Variants in DMD observed in about 807,000 individuals in gnomAD.
DMD encodes dystrophin.
A neutral mutation model predicts 330.1 loss-of-function variants in DMD; 63 were observed. That is an observed-to-expected ratio of 0.19 (90% CI 0.16 to 0.24). The LOEUF is 0.24. DMD is among the 10% of genes least tolerant of loss of function. DMD has a pLI of 1.00. For synonymous variants in DMD, 1,223 were observed against 959.8 expected (o/e 1.27, Z -5.07); for missense variants, 3,344 against 2,684.1 (o/e 1.25, Z -5.43).
chrX:33,025,449 G>T (rs772646752), intron 1 of DMD, among the ~76,000 whole-genome samples: 1 of 108,599 alleles, frequency 9.2e-6, no homozygotes, highest in African/African-American at 3.4e-5. Context: ...AACAATGTAA[G>T]TGAAAGCATT....
rs182515852 is a variant in DMD, at chrX:32,559,248, C to A, written c.1992+6454G>T. On this transcript the variant is annotated intron_variant, in intron 16 of 78. Coordinates refer to ENST00000357033, the MANE Select transcript of DMD (RefSeq NM_004006.3). ...GATTACAAGTGTGAGCCACCACACT[C>A]GGTCAACTTCAAATTTTTCTAATAA... Among the ~76,000 whole-genome samples, 4 of 110,805 alleles carry A rather than the reference C, an allele frequency of 3.6e-5. No homozygotes were observed. In the East Asian group the frequency reaches 8.5e-4, roughly 23 times the overall value.
rs1352045533 is a variant in DMD at position 32,525,005 on chromosome X, A to G, written c.2169-6874T>C. On this transcript the variant is annotated intron_variant, in intron 17 of 78. Transcript: ENST00000357033. ...ACTTCTTTTCTAAAATGGAACAAAG[A>G]AACATATTAATGAGTTTGGACTCTT... is the stretch of plus-strand genomic sequence containing the variant. 2.7e-5 allele frequency among the ~76,000 whole-genome samples: 3 copies of G among 111,988 alleles called. No homozygotes were observed. The East Asian group carries it at 8.4e-4, about 31-fold the overall frequency.
intron 1 of DMD, among the ~76,000 whole-genome samples, chrX:33,311,520 G>A (rs1017377914): frequency 9.0e-6 from 1 of 110,626 alleles, no homozygotes; most frequent in South Asian, 3.7e-4. Context: ...CAAAATGATC[G>A]TATGTCTGTT....
chrX:31,520,825 G>A (rs1409864315), intron 55 of DMD, among the ~76,000 whole-genome samples: 5 of 109,428 alleles, frequency 4.6e-5, no homozygotes, highest in South Asian at 4.0e-4. Flanking sequence ...GACTACAGGC[G>A]CCCGCCACCA....
chrX:31,552,169 G>A (rs189236307), intron 55 of DMD, among the ~76,000 whole-genome samples: 9 of 111,672 alleles, frequency 8.1e-5, no homozygotes, highest in African/African-American at 2.9e-4. Flanking sequence ...TCTTTTCAGA[G>A]CTGCTGCTTT....
chrX:31,155,075 C>A (rs1304915339), intron 74 of DMD, among the ~76,000 whole-genome samples: 1 of 112,430 alleles, frequency 8.9e-6, no homozygotes, highest in Non-Finnish European at 1.9e-5. Context: ...AACTAATGGA[C>A]ATAAGAGATT....
At chrX:31,983,637 G>A (rs961905990) in intron 44 of DMD, among the ~76,000 whole-genome samples, 54 of 111,512 alleles carry the variant, frequency 4.8e-4, no homozygotes, top group African/African-American at 1.7e-3. Flanking sequence ...ATCTTTTCTG[G>A]CATGATCTTC....
At chrX:31,538,666 T>G (rs1291617646) in intron 55 of DMD, among the ~76,000 whole-genome samples, 1 of 112,442 alleles carries the variant, frequency 8.9e-6, no homozygotes, top group Admixed American at 9.4e-5. Context: ...CATTGTTTCA[T>G]AAAATTCTAT....
At chrX:32,061,998 G>A (rs2147683026) in intron 44 of DMD, among the ~76,000 whole-genome samples, 1 of 111,030 alleles carries the variant, frequency 9.0e-6, no homozygotes, top group South Asian at 3.8e-4. Context: ...TCATTTCACG[G>A]AATAATATAG....
chrX:32,142,586 C>A (rs1007876080), intron 44 of DMD, among the ~76,000 whole-genome samples: 10 of 112,183 alleles, frequency 8.9e-5, no homozygotes, highest in African/African-American at 2.9e-4. Context: ...AATATGGAAC[C>A]ATTCCTATCC....
intron 1 of DMD, among the ~76,000 whole-genome samples, chrX:33,064,835 G>T (rs971980446): frequency 9.0e-6 from 1 of 111,206 alleles, no homozygotes; most frequent in African/African-American, 3.3e-5. Context: ...GTTGCAGTGA[G>T]CCAAGATCGC....
At chrX:31,446,281 C>A (rs1025304296) in intron 59 of DMD, among the ~76,000 whole-genome samples, 1 of 111,910 alleles carries the variant, frequency 8.9e-6, no homozygotes, top group Non-Finnish European at 1.9e-5. Flanking sequence ...AAAAACATTA[C>A]GTTAAGCAAT....
At chrX:32,312,941 C>CAAAAAAAAAAAA (rs1171543953) in intron 41 of DMD, among the ~76,000 whole-genome samples, 8 of 19,173 alleles carry the variant, frequency 4.2e-4, no homozygotes, top group Non-Finnish European at 8.6e-4. Context: ...AGCCTACGAA[C>CAAAAAAAAAAAA]CAAAAAAAAA....
chrX:32,292,499 G>A (rs189072471), intron 42 of DMD, among the ~76,000 whole-genome samples: 73 of 108,047 alleles, frequency 6.8e-4, no homozygotes, highest in Middle Eastern at 4.8e-3. Flanking sequence ...AGTAGAGACG[G>A]GGTTTCACCG....
intron 44 of DMD, among the ~76,000 whole-genome samples, chrX:31,985,125 G>A (rs925793556): frequency 8.9e-6 from 1 of 112,010 alleles, no homozygotes; most frequent in Non-Finnish European, 1.9e-5. Context: ...TTCAAAAAGA[G>A]AATTCATAAA....
rs1017799222 is a variant in DMD, at chrX:31,121,490, A to ACTT, written c.*426_*428dup. The ACTT allele has an allele frequency of 5.8e-6, 1 of 173,135 alleles. No individual in the cohort carries two copies. The highest frequency in any genetic ancestry group is 3.1e-5 in the African/African-American group (1 of 32,059). The allele number at this position is 173,135 out of a possible 1,213,427, so 14.3% of individuals were successfully genotyped here. ...TTGTTTTTAGGGGTTTTTATAAACA[A>ACTT]CTTTTTTTTATAAAGCACACTTTAG... is the stretch of plus-strand genomic sequence containing the variant. On this transcript the variant is annotated 3_prime_UTR_variant, in exon 79 of 79. Transcript: ENST00000357033.
chrX:32,492,996 T>G (rs2043151365), intron 19 of DMD, among the ~76,000 whole-genome samples: 1 of 111,777 alleles, frequency 8.9e-6, no homozygotes, highest in Admixed American at 9.6e-5. Flanking sequence ...ATGTTCATTT[T>G]ACTTAATTTT....
At chrX:32,864,892 T>C (rs1218848638) in intron 2 of DMD, among the ~76,000 whole-genome samples, 1 of 112,115 alleles carries the variant, frequency 8.9e-6, no homozygotes, top group Non-Finnish European at 1.9e-5. Context: ...AATGAGGTAG[T>C]AGTAAACAGA....
At chrX:33,231,293 C>T (rs762616305) in intron 1 of DMD, among the ~76,000 whole-genome samples, 1 of 111,420 alleles carries the variant, frequency 9.0e-6, no homozygotes, top group South Asian at 3.8e-4. Context: ...TTCTTCAACC[C>T]TTACTTCTTG....
Sources: gnomAD v4.1 joint callset for allele counts (sites outside exome capture counted in the v4.1 genomes callset) on GRCh38, gnomAD v4.1.1 for gene constraint, MANE v1.5 for transcripts, NCBI Gene and HGNC (gene_info 2026-07-23, HGNC 2026-07-21) for gene names.